The following OLFM3 variants were observed in gnomAD, a reference collection of about 807,000 sequenced individuals.
The protein encoded by OLFM3 is olfactomedin 3.
OLFM3 carries 20 observed loss-of-function variants against 48.6 expected under a neutral mutation model. The observed-to-expected ratio is 0.41, with a 90% CI of 0.29 to 0.60. The LOEUF (loss-of-function observed/expected upper bound fraction) is 0.60. Ranked by LOEUF, OLFM3 falls within the 20% of genes least tolerant of loss-of-function variation. The pLI, the probability that OLFM3 is intolerant of heterozygous loss-of-function variation, is 0.28. For missense variants in OLFM3, 437 were observed against 544.3 expected (o/e 0.80, Z 1.96); for synonymous variants, 222 against 198.1 (o/e 1.12, Z -1.01).
intron 1 of OLFM3, among the ~76,000 whole-genome samples, chr1:101,868,761 G>A (rs1320548851): frequency 1.3e-5 from 2 of 152,312 alleles, no homozygotes; most frequent in South Asian, 2.1e-4. Context: ...CATGGGCTGG[G>A]CCCAGGCTTC....
chr1:101,940,404 GA>G (rs1005392950), intron 1 of OLFM3, among the ~76,000 whole-genome samples: 1 of 124,976 alleles, frequency 8.0e-6, no homozygotes, highest in Admixed American at 8.7e-5. Context: ...TTTGAGCTTT[GA>G]AAAAAAATCT....
intron 1 of OLFM3, among the ~76,000 whole-genome samples, chr1:101,850,847 G>A (rs957399742): frequency 1.3e-5 from 2 of 151,990 alleles, no homozygotes; most frequent in Admixed American, 1.3e-4. Context: ...TTCAGGCAGA[G>A]GGGAAAGTGG....
At chr1:101,807,589 A>T (rs1653836478) in intron 4 of OLFM3, among the ~76,000 whole-genome samples, 1 of 151,870 alleles carries the variant, frequency 6.6e-6, no homozygotes, top group African/African-American at 2.4e-5. Context: ...TATAATTGGC[A>T]GAATACTAAG....
chr1:101,916,129 TG>T (rs1307239755), intron 1 of OLFM3, among the ~76,000 whole-genome samples: 12 of 152,168 alleles, frequency 7.9e-5, no homozygotes, highest in African/African-American at 2.9e-4. Flanking sequence ...ACATTTGTTA[TG>T]GGCAGTCACT....
chr1:101,974,747 A>T lies in OLFM3; in HGVS notation c.69+22001T>A, dbSNP rs990813335. Among the ~76,000 whole-genome samples the T allele has an allele frequency of 5.3e-5, 8 of 152,214 alleles. 1 individual carries two copies. Among genetic ancestry groups the T allele is most frequent in the Admixed American group, 5.2e-4 (8 of 15,258 alleles). ...GTGGCAGACAGCTTGCAAATACTAG[A>T]TAGTTTTGACATTTGCTTATCTACT... On this transcript the variant is annotated intron_variant, in intron 1 of 5. Coordinates refer to ENST00000370103, the MANE Select transcript of OLFM3 (RefSeq NM_058170.4).
chr1:101,962,652 CTTGA>C (rs1039648948), intron 1 of OLFM3, among the ~76,000 whole-genome samples: 46 of 152,198 alleles, frequency 3.0e-4, no homozygotes, highest in African/African-American at 1.0e-3. Context: ...CAAACATAGT[CTTGA>C]TTAAGAAATT....
At chr1:101,836,147 C>T (rs1380693549) in intron 2 of OLFM3, among the ~76,000 whole-genome samples, 13 of 152,176 alleles carry the variant, frequency 8.5e-5, no homozygotes, top group South Asian at 2.1e-4. Context: ...AATCCAAACA[C>T]GTCATCTTTC....
At chr1:101,875,933 C>A (rs374629309) in intron 1 of OLFM3, among the ~76,000 whole-genome samples, 1 of 152,086 alleles carries the variant, frequency 6.6e-6, no homozygotes, top group South Asian at 2.1e-4. Context: ...GAACAATTTG[C>A]ACAAAAAATG....
At chr1:101,926,508 A>G (rs1659275018) in intron 1 of OLFM3, among the ~76,000 whole-genome samples, 1 of 152,224 alleles carries the variant, frequency 6.6e-6, no homozygotes, top group Non-Finnish European at 1.5e-5. Flanking sequence ...AAAAGTCTCC[A>G]TCTTGCAATT....
intron 1 of OLFM3, among the ~76,000 whole-genome samples, chr1:101,968,352 G>C (rs543633637): frequency 3.8e-4 from 58 of 152,244 alleles, no homozygotes; most frequent in African/African-American, 1.3e-3. Context: ...AGTCAGAGAA[G>C]ATAGCTTTCA....
At chr1:101,875,973 G>T (rs1038006650) in intron 1 of OLFM3, among the ~76,000 whole-genome samples, 1 of 152,008 alleles carries the variant, frequency 6.6e-6, no homozygotes, top group Non-Finnish European at 1.5e-5. Flanking sequence ...TGACTGGCTT[G>T]CTCATGCTAA....
At chr1:101,812,749 G>T (rs1250639403) in intron 4 of OLFM3, 1 of 987,588 alleles carries the variant, frequency 1.0e-6, no homozygotes, top group Non-Finnish European at 1.2e-6. Context: ...GAGGTTAAAA[G>T]CTTCTGGCTC....
chr1:101,878,296 C>A (rs1657381385), intron 1 of OLFM3, among the ~76,000 whole-genome samples: 1 of 151,810 alleles, frequency 6.6e-6, no homozygotes, highest in African/African-American at 2.4e-5. Flanking sequence ...GAGTGGTAGA[C>A]AATGATGGTG....
chr1:101,836,439 CT>C (rs1292423670), intron 2 of OLFM3, among the ~76,000 whole-genome samples: 1 of 152,180 alleles, frequency 6.6e-6, no homozygotes, highest in Non-Finnish European at 1.5e-5. Context: ...ATGATAAACA[CT>C]TGGAATTATT....
At chr1:101,978,341 G>T (rs1661010842) in intron 1 of OLFM3, among the ~76,000 whole-genome samples, 2 of 152,018 alleles carry the variant, frequency 1.3e-5, no homozygotes, top group Admixed American at 1.3e-4. Flanking sequence ...AAAAGAAAAG[G>T]TATGAGCGTT....
At chr1:101,894,985 G>A (rs1658144253) in intron 1 of OLFM3, among the ~76,000 whole-genome samples, 1 of 152,078 alleles carries the variant, frequency 6.6e-6, no homozygotes, top group African/African-American at 2.4e-5. Flanking sequence ...CCAGTAATGA[G>A]CTGTTTACTT....
At chr1:101,909,268 CAA>C (rs5776605) in intron 1 of OLFM3, among the ~76,000 whole-genome samples, 16,315 of 152,142 alleles carry the variant, frequency 0.11, 1,485 homozygotes, top group East Asian at 0.36. Context: ...ATAGAAAAAA[CAA>C]AAAATCTCCT....
At chr1:101,949,795 T>C (rs186516945) in intron 1 of OLFM3, among the ~76,000 whole-genome samples, 2 of 151,924 alleles carry the variant, frequency 1.3e-5, no homozygotes, top group East Asian at 3.9e-4. Context: ...CCGGGCGTCG[T>C]GGTGGGCACC....
At chr1:101,857,076 G>A (rs191042875) in intron 1 of OLFM3, among the ~76,000 whole-genome samples, 3 of 152,050 alleles carry the variant, frequency 2.0e-5, no homozygotes, top group Admixed American at 1.3e-4. Context: ...GTAAGTCATA[G>A]GGATCTTGGT....
Sources: gnomAD v4.1 joint callset for allele counts (sites outside exome capture counted in the v4.1 genomes callset) on GRCh38, gnomAD v4.1.1 for gene constraint, MANE v1.5 for transcripts, NCBI Gene and HGNC (gene_info 2026-07-23, HGNC 2026-07-21) for gene names.